The following CNIH3 variants were observed in gnomAD, a reference collection of about 807,000 sequenced individuals.
CNIH3 encodes protein cornichon homolog 3.
Under a neutral mutation model 24.1 loss-of-function variants are expected in CNIH3, and 14 were observed. The ratio of observed to expected loss-of-function variants is 0.58; its 90% CI spans 0.38 to 0.91. The LOEUF (loss-of-function observed/expected upper bound fraction) is 0.91. Ranked by LOEUF, CNIH3 falls within the 40% of genes least tolerant of loss-of-function variation. CNIH3 has a pLI of 0.00. For missense variants in CNIH3, 178 were observed against 196.8 expected, an observed-to-expected ratio of 0.90 and a Z score of 0.57; for synonymous variants, 68 against 73.8, an observed-to-expected ratio of 0.92 and a Z score of 0.40.
intron 1 of CNIH3, among the ~76,000 whole-genome samples, chr1:224,440,157 A>G (rs758003517): frequency 1.3e-4 from 20 of 151,974 alleles, no homozygotes; most frequent in Admixed American, 3.9e-4. Flanking sequence ...TCTTGACCTC[A>G]TGGTCCGCCT....
chr1:224,589,833 T>C (rs1342571223), downstream of CNIH3, among the ~76,000 whole-genome samples: 1 of 152,096 alleles, frequency 6.6e-6, no homozygotes. Context: ...CAGTGGGACC[T>C]TACTGTTTTG....
intron 1 of CNIH3, among the ~76,000 whole-genome samples, chr1:224,467,018 T>A (rs6683524): frequency 0.86 from 131,370 of 152,096 alleles, 57,290 homozygotes; most frequent in East Asian, 0.97. Context: ...TTTCTCCCAG[T>A]CTGTAATTTA....
chr1:224,474,364 C>CAAA (rs34695653), intron 1 of CNIH3, among the ~76,000 whole-genome samples: 4 of 111,766 alleles, frequency 3.6e-5, no homozygotes, highest in African/African-American at 1.2e-4. Context: ...AACTTCGCCT[C>CAAA]AAAAAAAAAA....
At chr1:224,698,846 G>A (rs1687320030) in intron 3 of CNIH3, among the ~76,000 whole-genome samples, 1 of 151,636 alleles carries the variant, frequency 6.6e-6, no homozygotes, top group Non-Finnish European at 1.5e-5. Context: ...GTAATGCTTT[G>A]CTGATGGAAT....
chr1:224,483,354 C>T lies in CNIH3; in HGVS notation n.204-32387C>T, dbSNP rs1005024070. ...GACAGAGTAAGACTCTGTCTCAAAA[C>T]AAAAACATAAAACAGGTAGTGTGAT... On this transcript the variant is annotated intron_variant and non_coding_transcript_variant, in intron 1 of 5. Coordinates refer to the CNIH3 transcript ENST00000471578. Among the ~76,000 whole-genome samples the T allele has an allele frequency of 4.6e-5, 7 of 150,542 alleles. No individual in the cohort carries two copies. The South Asian group carries it at 8.4e-4, about 18-fold the overall frequency.
chr1:224,457,770 G>T (rs1225977481), intron 1 of CNIH3, among the ~76,000 whole-genome samples: 1 of 152,106 alleles, frequency 6.6e-6, no homozygotes, highest in Non-Finnish European at 1.5e-5. Flanking sequence ...ATCATTTTTA[G>T]TTGTTTTTCC....
At chr1:224,629,967 G>A (rs935164338) in intron 1 of CNIH3, among the ~76,000 whole-genome samples, 8 of 152,142 alleles carry the variant, frequency 5.3e-5, no homozygotes, top group African/African-American at 1.9e-4. Flanking sequence ...GTCTAGTTGT[G>A]AGAAGTTATA....
rs1466556180 is a variant in CNIH3 at position 224,735,174 on chromosome 1, C to CA, written c.455+469dup. Among the ~76,000 whole-genome samples, 3 of 152,144 alleles carry CA rather than the reference C, an allele frequency of 2.0e-5. 1 individual carries two copies. The highest frequency in any genetic ancestry group is 1.5e-5 in the Non-Finnish European group (1 of 68,020). On this transcript the variant is annotated intron_variant, in intron 5 of 5. Coordinates refer to ENST00000272133, the MANE Select transcript of CNIH3 (RefSeq NM_152495.2). ...CCCACCCCAGCCCCACAGTGGCTGT[C>CA]ACGGTTCATAAAGTGGCATTTTGTG...
intron 1 of CNIH3, among the ~76,000 whole-genome samples, chr1:224,657,860 A>G (rs1234643279): frequency 1.3e-5 from 2 of 152,224 alleles, no homozygotes; most frequent in Non-Finnish European, 2.9e-5. Flanking sequence ...TAAGACAATC[A>G]GGGTTGAAGA....
At chr1:224,551,229 C>T (rs1018491437) in intron 3 of CNIH3, among the ~76,000 whole-genome samples, 38 of 152,102 alleles carry the variant, frequency 2.5e-4, no homozygotes, top group Middle Eastern at 3.4e-3. Context: ...GGTATATACC[C>T]AAAGGATTAT....
At chr1:224,462,760 C>T (rs1675970529) in intron 1 of CNIH3, among the ~76,000 whole-genome samples, 1 of 151,426 alleles carries the variant, frequency 6.6e-6, no homozygotes, top group African/African-American at 2.4e-5. Flanking sequence ...CCACCTCAGC[C>T]TCCTGAGTAG....
chr1:224,727,792 A>T (rs1689113246), intron 3 of CNIH3, among the ~76,000 whole-genome samples: 1 of 152,120 alleles, frequency 6.6e-6, no homozygotes, highest in Admixed American at 6.5e-5. Flanking sequence ...CTCTGGATTA[A>T]TTGGAGGAGC....
intron 1 of CNIH3, among the ~76,000 whole-genome samples, chr1:224,635,122 G>C (rs546065870): frequency 1.3e-5 from 2 of 152,288 alleles, no homozygotes; most frequent in South Asian, 4.1e-4. Flanking sequence ...GAAGGTAAGG[G>C]GAAGCAAGGG....
intron 1 of CNIH3, among the ~76,000 whole-genome samples, chr1:224,634,233 G>A (rs2125082645): frequency 6.6e-6 from 1 of 152,330 alleles, no homozygotes; most frequent in East Asian, 1.9e-4. Flanking sequence ...GGGCTTTGCA[G>A]GACTTTAGCA....
At chr1:224,621,911 T>G (rs1338455630) in intron 1 of CNIH3, among the ~76,000 whole-genome samples, 1 of 151,716 alleles carries the variant, frequency 6.6e-6, no homozygotes, top group Non-Finnish European at 1.5e-5. Flanking sequence ...GGGGATGGGG[T>G]TTTTTTTGTG....
At chr1:224,657,409 TAGAGAG>T (rs142879463) in intron 1 of CNIH3, among the ~76,000 whole-genome samples, 24 of 146,822 alleles carry the variant, frequency 1.6e-4, no homozygotes, top group Non-Finnish European at 3.2e-4. Flanking sequence ...AGAAATAGGG[TAGAGAG>T]AGAGAGAGAG....
intron 1 of CNIH3, among the ~76,000 whole-genome samples, chr1:224,451,902 T>C (rs1675412986): frequency 6.6e-6 from 1 of 152,124 alleles, no homozygotes; most frequent in African/African-American, 2.4e-5. Context: ...TTCTGGTTTC[T>C]CTTCAAAGAC....
In CNIH3 at chr1:224,617,091, C is replaced by A; in HGVS notation, c.-84C>A. On this transcript the variant is annotated 5_prime_UTR_variant, in exon 1 of 6. Coordinates refer to ENST00000272133, the MANE Select transcript of CNIH3 (RefSeq NM_152495.2). ...GGAGAGGAGCGTGCAGACGCGGCTC[C>A]TTGGAGGGAGTGCGGTCCTCTAGGG... 1 of 1,570,174 alleles carries A rather than the reference C, an allele frequency of 6.4e-7. No homozygotes were observed. The highest frequency in any genetic ancestry group is 8.6e-7 in the Non-Finnish European group (1 of 1,161,920).
At chr1:224,637,935 A>T (rs1684175186) in intron 1 of CNIH3, among the ~76,000 whole-genome samples, 1 of 152,212 alleles carries the variant, frequency 6.6e-6, no homozygotes, top group African/African-American at 2.4e-5. Context: ...TGGAAGACAG[A>T]TTTGCTGTGG....
Sources: allele counts gnomAD v4.1 joint callset (sites outside exome capture counted in the v4.1 genomes callset), GRCh38; gene constraint gnomAD v4.1.1; transcripts MANE v1.5; gene names NCBI Gene and HGNC (gene_info 2026-07-23, HGNC 2026-07-21).